The following SHANK2 variants were observed in gnomAD, a reference collection of about 807,000 sequenced individuals.
SHANK2 encodes the protein SH3 and multiple ankyrin repeat domains 2, also known as SH3 and multiple ankyrin repeat domains protein 2.
SHANK2 carries 43 observed loss-of-function variants against 133.7 expected under a neutral mutation model. The ratio of observed to expected loss-of-function variants is 0.32; its 90% CI spans 0.25 to 0.41. SHANK2 has a LOEUF of 0.41. SHANK2 is among the 10% of genes least tolerant of loss of function. The pLI is 1.00. For synonymous variants in SHANK2, 1,017 were observed against 952.8 expected (o/e 1.07, Z -1.24); for missense variants, 1,994 against 2,235.8 (o/e 0.89, Z 2.18).
At chr11:71,107,361 C>T (rs1951816858) in intron 6 of SHANK2, among the ~76,000 whole-genome samples, 1 of 152,124 alleles carries the variant, frequency 6.6e-6, no homozygotes, top group Non-Finnish European at 1.5e-5. Context: ...GAATGCCTGT[C>T]CTTAACTATG....
intron 17 of SHANK2, among the ~76,000 whole-genome samples, chr11:70,588,274 C>T (rs1160160706): frequency 6.6e-6 from 1 of 152,160 alleles, no homozygotes; most frequent in Non-Finnish European, 1.5e-5. Flanking sequence ...TCTAACTGCT[C>T]AAGTGAAAGG....
chr11:70,806,891 C>T (rs557286882), intron 13 of SHANK2, 111 bp downstream of exon 13: 3 of 612,332 alleles, frequency 4.9e-6, no homozygotes, highest in South Asian at 4.0e-5. Flanking sequence ...TCCAGGGGCC[C>T]GTGTTTTCCA....
intron 14 of SHANK2, among the ~76,000 whole-genome samples, chr11:70,776,599 C>T (rs1413391100): frequency 6.6e-6 from 1 of 152,146 alleles, no homozygotes; most frequent in African/African-American, 2.4e-5. Context: ...GGATGCACAA[C>T]TTGAATTGTG....
chr11:70,948,370 G>A (rs940733522), intron 10 of SHANK2: 6 of 457,124 alleles, frequency 1.3e-5, no homozygotes, highest in East Asian at 6.9e-5. Flanking sequence ...AGAAGACAGC[G>A]TGGCTCTTAC....
intron 10 of SHANK2, among the ~76,000 whole-genome samples, chr11:70,903,556 G>A (rs934628978): frequency 2.6e-5 from 4 of 152,070 alleles, no homozygotes; most frequent in Non-Finnish European, 5.9e-5. Flanking sequence ...CTGGGGACTC[G>A]ATCCATCACA....
chr11:71,206,934 A>T (rs1183889324), intron 2 of SHANK2, among the ~76,000 whole-genome samples: 1 of 152,082 alleles, frequency 6.6e-6, no homozygotes, highest in Non-Finnish European at 1.5e-5. Flanking sequence ...AGTAAAAAAA[A>T]GATTAGCCAG....
chr11:70,872,805 G>A (rs1391703452), intron 11 of SHANK2, among the ~76,000 whole-genome samples: 3 of 152,100 alleles, frequency 2.0e-5, no homozygotes, highest in Non-Finnish European at 4.4e-5. Context: ...GGGTCGTGGG[G>A]GCTGCTTTGC....
chr11:70,771,295 C>T (rs1555042737), intron 14 of SHANK2, among the ~76,000 whole-genome samples: 1 of 152,174 alleles, frequency 6.6e-6, no homozygotes, highest in Non-Finnish European at 1.5e-5. Context: ...GTGACGGGCT[C>T]TTTCAGAGAC....
intron 12 of SHANK2, among the ~76,000 whole-genome samples, chr11:70,817,625 A>T (rs1555054687): frequency 1.3e-5 from 2 of 152,186 alleles, no homozygotes; most frequent in East Asian, 3.9e-4. Flanking sequence ...TTGGACATGG[A>T]CCTGGGCTCT....
chr11:70,731,777 GC>G (rs1402407628), intron 14 of SHANK2, among the ~76,000 whole-genome samples: 1 of 152,182 alleles, frequency 6.6e-6, no homozygotes, highest in Non-Finnish European at 1.5e-5. Flanking sequence ...TCTTTCTTGA[GC>G]CCTCAAAACC....
At chr11:70,697,548 T>G (rs899461543) in intron 15 of SHANK2, among the ~76,000 whole-genome samples, 1 of 152,194 alleles carries the variant, frequency 6.6e-6, no homozygotes, top group East Asian at 1.9e-4. Flanking sequence ...GTGGTGATGG[T>G]TGCCCAATAT....
At chr11:70,510,595 C>T (rs2059192014) in intron 17 of SHANK2, among the ~76,000 whole-genome samples, 1 of 152,202 alleles carries the variant, frequency 6.6e-6, no homozygotes, top group African/African-American at 2.4e-5. Flanking sequence ...GGATACAGAT[C>T]CTGTCCCTCC....
chr11:70,734,882 G>C lies in SHANK2; in HGVS notation c.1778-36119C>G, dbSNP rs114115977. Among the ~76,000 whole-genome samples, 969 of 152,356 alleles carry C rather than the reference G, an allele frequency of 6.4e-3. 14 individuals are homozygous for C. Among genetic ancestry groups the C allele is most frequent in the African/African-American group, 0.022 (918 of 41,592 alleles). On this transcript the variant is annotated intron_variant, in intron 14 of 25. Transcript: ENST00000601538. ...CTCCCCCAGGCTTGGGAAGGAAAGA[G>C]AAATTCTGCCAAGAACAGAGTACAA...
intron 13 of SHANK2, among the ~76,000 whole-genome samples, chr11:70,803,224 A>T (rs576624824): frequency 4.7e-5 from 7 of 150,030 alleles, no homozygotes; most frequent in Admixed American, 2.0e-4. Flanking sequence ...GCACTCACTC[A>T]CTCACCACCT....
chr11:70,862,596 C>CG (rs1949278332), intron 11 of SHANK2, among the ~76,000 whole-genome samples: 1 of 148,770 alleles, frequency 6.7e-6, no homozygotes, highest in East Asian at 2.0e-4. Flanking sequence ...ATGGACTGGA[C>CG]TGCTGATGGA....
At chr11:70,758,592 C>G (rs1333172929) in intron 14 of SHANK2, among the ~76,000 whole-genome samples, 1 of 152,172 alleles carries the variant, frequency 6.6e-6, no homozygotes, top group South Asian at 2.1e-4. Context: ...GCCAAGAACC[C>G]CAGGTCAAGG....
chr11:70,528,254 C>T (rs1554972513), intron 17 of SHANK2, among the ~76,000 whole-genome samples: 2 of 152,240 alleles, frequency 1.3e-5, no homozygotes, highest in South Asian at 2.1e-4. Flanking sequence ...GTGGGACGAA[C>T]GTGGCTCTCG....
chr11:70,600,588 G>C (rs2060481917), intron 17 of SHANK2, among the ~76,000 whole-genome samples: 1 of 152,112 alleles, frequency 6.6e-6, no homozygotes, highest in South Asian at 2.1e-4. Context: ...AATGAAGGTG[G>C]TGCTCAGATA....
At chr11:70,548,723 G>A (rs1276381600) in intron 17 of SHANK2, among the ~76,000 whole-genome samples, 3 of 152,186 alleles carry the variant, frequency 2.0e-5, no homozygotes, top group Admixed American at 6.5e-5. Context: ...CCTAACCCCC[G>A]GAGCCTGTGA....
Sources: allele counts gnomAD v4.1 joint callset (sites outside exome capture counted in the v4.1 genomes callset), GRCh38; gene constraint gnomAD v4.1.1; transcripts MANE v1.5; gene names NCBI Gene and HGNC (gene_info 2026-07-23, HGNC 2026-07-21).